SNTG1: variants seen among roughly 807,000 people sequenced by gnomAD.
SNTG1 encodes the protein syntrophin gamma 1.
Under a neutral mutation model 74.7 loss-of-function variants are expected in SNTG1, and 39 were observed. The ratio of observed to expected loss-of-function variants is 0.52; its 90% CI spans 0.40 to 0.68. SNTG1 has a LOEUF of 0.68. SNTG1 is among the 30% of genes least tolerant of loss of function. The pLI is 0.00. For missense variants in SNTG1, 685 were observed against 609.5 expected (o/e 1.12, Z -1.30); for synonymous variants, 254 against 217.1 (o/e 1.17, Z -1.49).
chr8:50,244,074 G>C (rs890636472), intron 2 of SNTG1, among the ~76,000 whole-genome samples: 1 of 152,094 alleles, frequency 6.6e-6, no homozygotes, highest in African/African-American at 2.4e-5. Flanking sequence ...CTTGGCTTCT[G>C]GGGAGGACTC....
intron 1 of SNTG1, among the ~76,000 whole-genome samples, chr8:50,005,196 A>G (rs993577349): frequency 6.6e-6 from 1 of 152,134 alleles, no homozygotes; most frequent in Admixed American, 6.5e-5. Flanking sequence ...CCTAAAGAAG[A>G]AAAATATACA....
At chr8:50,623,564 A>G (rs535937203) in intron 13 of SNTG1, among the ~76,000 whole-genome samples, 1 of 152,062 alleles carries the variant, frequency 6.6e-6, no homozygotes, top group South Asian at 2.1e-4. Flanking sequence ...GTATGTGCCC[A>G]TTTCTACCCC....
intron 2 of SNTG1, among the ~76,000 whole-genome samples, chr8:50,197,829 C>G (rs2083835473): frequency 6.6e-6 from 1 of 152,022 alleles, no homozygotes; most frequent in Non-Finnish European, 1.5e-5. Flanking sequence ...TCTTCTAAAC[C>G]ATCTATTTTT....
chr8:50,124,626 A>C lies in SNTG1; in HGVS notation c.-102-47935A>C, dbSNP rs539050583. ...AATGGACTTTGAAGCTTTACTTTTAATCCTCTGCTTATAAATTATTGATAT... is the reference window on the plus strand; with the variant it reads ...AATGGACTTTGAAGCTTTACTTTTACTCCTCTGCTTATAAATTATTGATAT... On this transcript the variant is annotated intron_variant, in intron 1 of 18. Transcript: ENST00000642720. Among the ~76,000 whole-genome samples the C allele has an allele frequency of 1.4e-5, 2 of 142,274 alleles. 1 individual carries two copies. Among genetic ancestry groups the C allele is most frequent in the South Asian group, 5.3e-4 (2 of 3,800 alleles). The allele number at this position is 142,274 out of a possible 152,430, so 93.3% of individuals were successfully genotyped here.
intron 13 of SNTG1, among the ~76,000 whole-genome samples, chr8:50,635,124 C>A (rs1008799449): frequency 1.3e-5 from 2 of 152,114 alleles, no homozygotes; most frequent in African/African-American, 4.8e-5. Context: ...TAAATCTTAT[C>A]ATCTCAAAGT....
At chr8:50,061,359 T>A (rs1027777763) in intron 1 of SNTG1, among the ~76,000 whole-genome samples, 3 of 152,156 alleles carry the variant, frequency 2.0e-5, no homozygotes, top group African/African-American at 7.2e-5. Flanking sequence ...TCAGGATTTG[T>A]ATTAATACAG....
chr8:50,730,521 G>C (rs934373470), intron 17 of SNTG1, among the ~76,000 whole-genome samples: 1 of 152,132 alleles, frequency 6.6e-6, no homozygotes, highest in Non-Finnish European at 1.5e-5. Context: ...TGAACAAAAA[G>C]ATTATAGGAG....
chr8:50,260,950 GA>G (rs1286491892), intron 2 of SNTG1, among the ~76,000 whole-genome samples: 1 of 152,066 alleles, frequency 6.6e-6, no homozygotes, highest in Non-Finnish European at 1.5e-5. Flanking sequence ...ATACTAGAAA[GA>G]GAGAGAAAAA....
chr8:50,053,610 T>A (rs1381924842), intron 1 of SNTG1, among the ~76,000 whole-genome samples: 2 of 142,788 alleles, frequency 1.4e-5, no homozygotes, highest in African/African-American at 2.6e-5. Context: ...TGCATATATA[T>A]AAATATATAT....
chr8:50,140,544 G>A (rs535810668), intron 1 of SNTG1, among the ~76,000 whole-genome samples: 37 of 152,102 alleles, frequency 2.4e-4, no homozygotes, highest in African/African-American at 8.9e-4. Flanking sequence ...TAGAAACTGT[G>A]TATGAGAATG....
rs540711437 is a variant in SNTG1, at chr8:50,617,695, C to A, written c.849+26778C>A. The stretch of plus-strand genomic sequence containing the variant: ...AAGGGCTCACAACTCTAAGGGGTTC[C>A]CGTGAGAGGGTCGTGATCGATTGAG... On this transcript the variant is annotated intron_variant, in intron 13 of 18. Transcript: ENST00000642720. 3.5e-3 allele frequency among the ~76,000 whole-genome samples: 540 copies of A among 152,278 alleles called. 4 individuals are homozygous for A. Among genetic ancestry groups the A allele is most frequent in the Non-Finnish European group, 5.6e-3 (383 of 68,012 alleles).
chr8:50,713,208 A>G (rs1311211520), intron 17 of SNTG1, among the ~76,000 whole-genome samples: 1 of 152,116 alleles, frequency 6.6e-6, no homozygotes, highest in African/African-American at 2.4e-5. Flanking sequence ...CTGGTGTGAC[A>G]TGGTATCACG....
In SNTG1 at chr8:50,115,576, A is replaced by AAAACAAAAAAAAAAAAAAAAC. The variant is rs1554580677; in HGVS notation, c.-102-56982_-102-56981insCAAAAAAAAAAAAAAAACAAA. ...GAGCGAGACTCTGTCTCAAAAAAAA[A>AAAACAAAAAAAAAAAAAAAAC]AAAAAAAAAAACGAGATGGTTGAAG... is the stretch of plus-strand genomic sequence containing the variant. On this transcript the variant is annotated intron_variant, in intron 1 of 18. Transcript: ENST00000642720. Among the ~76,000 whole-genome samples, 9 of 82,908 alleles carry AAAACAAAAAAAAAAAAAAAAC rather than the reference A, an allele frequency of 1.1e-4. 1 individual carries two copies. In the Admixed American group the frequency reaches 1.3e-3, roughly 12 times the overall value. The allele number at this position is 82,908 out of a possible 152,430, so 54.4% of individuals were successfully genotyped here.
At chr8:50,292,457 A>AC (rs762522510) in intron 2 of SNTG1, among the ~76,000 whole-genome samples, 121 of 152,030 alleles carry the variant, frequency 8.0e-4, no homozygotes, top group Non-Finnish European at 1.6e-3. Flanking sequence ...ATATTCAGTT[A>AC]TTTTTTTTAA....
chr8:49,936,353 C>T (rs1808082445), intron 1 of SNTG1, among the ~76,000 whole-genome samples: 2 of 151,976 alleles, frequency 1.3e-5, no homozygotes, highest in Admixed American at 6.6e-5. Flanking sequence ...GTCCCTTTTG[C>T]TACAGTTTCC....
At chr8:50,342,425 G>A (rs1219781744) in intron 2 of SNTG1, among the ~76,000 whole-genome samples, 3 of 152,084 alleles carry the variant, frequency 2.0e-5, no homozygotes, top group South Asian at 2.1e-4. Context: ...AGAAATGTTC[G>A]TGGTGAACCA....
intron 8 of SNTG1, among the ~76,000 whole-genome samples, chr8:50,496,570 T>G (rs923487269): frequency 1.3e-5 from 2 of 152,184 alleles, no homozygotes; most frequent in African/African-American, 4.8e-5. Flanking sequence ...CAAAAAATGT[T>G]GTATGAACTT....
chr8:50,746,288 G>C (rs1054356619), intron 17 of SNTG1, among the ~76,000 whole-genome samples: 1 of 151,884 alleles, frequency 6.6e-6, no homozygotes, highest in Non-Finnish European at 1.5e-5. Context: ...ATAAAACTGT[G>C]TTAAGACCAG....
At chr8:50,665,223 G>T (rs902391081) in intron 15 of SNTG1, among the ~76,000 whole-genome samples, 1 of 152,070 alleles carries the variant, frequency 6.6e-6, no homozygotes. Context: ...GTGGGAGATG[G>T]GGAAGGAGAA....
Sources: allele counts gnomAD v4.1 joint callset (sites outside exome capture counted in the v4.1 genomes callset), GRCh38; gene constraint gnomAD v4.1.1; transcripts MANE v1.5; gene names NCBI Gene and HGNC (gene_info 2026-07-23, HGNC 2026-07-21).